Variants in PCLO observed in about 807,000 individuals in gnomAD.
PCLO encodes the protein piccolo presynaptic cytomatrix protein.
PCLO carries 82 observed loss-of-function variants against 427.5 expected under a neutral mutation model. That is an observed-to-expected ratio of 0.19 (90% CI 0.16 to 0.23). PCLO has a LOEUF of 0.23. Among genes scored for constraint, PCLO ranks in the 10% least tolerant of loss-of-function variants. PCLO has a pLI of 1.00. For synonymous variants in PCLO, 2,357 were observed against 2,155.4 expected (o/e 1.09, Z -2.59); for missense variants, 6,239 against 6,115.9 (o/e 1.02, Z -0.67).
chr7:83,061,413 T>C (rs1789540449), intron 3 of PCLO, among the ~76,000 whole-genome samples: 1 of 152,170 alleles, frequency 6.6e-6, no homozygotes, highest in African/African-American at 2.4e-5. Flanking sequence ...ATCTTTAAAG[T>C]CCACTAACTA....
intron 6 of PCLO, among the ~76,000 whole-genome samples, chr7:82,919,929 C>T (rs1055062113): frequency 6.6e-6 from 1 of 151,962 alleles, no homozygotes; most frequent in Admixed American, 6.6e-5. Flanking sequence ...ACTATAGAAC[C>T]ATTAGAACCC....
intron 22 of PCLO, among the ~76,000 whole-genome samples, chr7:82,782,146 G>A (rs2129468139): frequency 6.6e-6 from 1 of 152,292 alleles, no homozygotes; most frequent in East Asian, 1.9e-4. Context: ...TGGGGACTGA[G>A]CCCTTGACCT....
At chr7:83,072,725 C>T (rs1415880821) in intron 3 of PCLO, among the ~76,000 whole-genome samples, 1 of 151,978 alleles carries the variant, frequency 6.6e-6, no homozygotes, top group Admixed American at 6.6e-5. Context: ...CTCCTGAATG[C>T]CAAAGCTTCC....
At chr7:82,880,240 G>A (rs1350519544) in intron 9 of PCLO, among the ~76,000 whole-genome samples, 1 of 152,114 alleles carries the variant, frequency 6.6e-6, no homozygotes, top group East Asian at 1.9e-4. Context: ...TGAATGTACT[G>A]TACTGTAATC....
At chr7:83,154,020 C>G (rs961713599) in intron 2 of PCLO, among the ~76,000 whole-genome samples, 5 of 152,242 alleles carry the variant, frequency 3.3e-5, no homozygotes, top group African/African-American at 1.2e-4. Flanking sequence ...TATCCTCAAT[C>G]TGAGTAAACA....
chr7:83,116,061 T>C (rs1324970348), intron 3 of PCLO, among the ~76,000 whole-genome samples: 1 of 152,044 alleles, frequency 6.6e-6, no homozygotes, highest in Non-Finnish European at 1.5e-5. Context: ...ATTAAATGGA[T>C]GTCTAGTATT....
At position 82,845,431 on chromosome 7, in the gene PCLO, T is replaced by C; in HGVS notation, c.13886A>G (p.Gln4629Arg). The change falls in exon 13 of 25, where the codon CAG (glutamine) becomes CGG (arginine). Residue 4629 changes from glutamine (Q) to arginine (R), a missense_variant. This residue lies in a region of PCLO where 877 missense variants were observed against 925.5 expected (regional missense o/e 0.95). Transcript: ENST00000333891. Reference protein sequence around the residue: ...VDPKQLAAELQKVSLQQSPLV... With the variant: ...VDPKQLAAELRKVSLQQSPLV... ...CGGTGACTGCTGTAGTGAAACCTTCTGGAGTTCTGCTGCCAACTGCTTAGG... is the reference window on the plus strand; with the variant it reads ...CGGTGACTGCTGTAGTGAAACCTTCCGGAGTTCTGCTGCCAACTGCTTAGG... 3 of 1,613,262 alleles carry C rather than the reference T, an allele frequency of 1.9e-6. No individual in the cohort carries two copies. The highest frequency in any genetic ancestry group is 2.5e-6 in the Non-Finnish European group (3 of 1,179,548).
chr7:83,047,330 A>C (rs1789127865), intron 3 of PCLO, among the ~76,000 whole-genome samples: 1 of 152,042 alleles, frequency 6.6e-6, no homozygotes, highest in Admixed American at 6.6e-5. Flanking sequence ...ACATCAAAAA[A>C]GATGTATGAT....
chr7:82,870,079 T>TA (rs1178097100), intron 10 of PCLO, among the ~76,000 whole-genome samples: 1 of 151,746 alleles, frequency 6.6e-6, no homozygotes, highest in Non-Finnish European at 1.5e-5. Context: ...TTCACAGAAA[T>TA]ACAAAAAAAT....
chr7:82,938,589 G>A (rs1333844334), intron 6 of PCLO, among the ~76,000 whole-genome samples: 1 of 151,910 alleles, frequency 6.6e-6, no homozygotes, highest in East Asian at 1.9e-4. Context: ...GATGACCAGT[G>A]AGCATAAGGA....
chr7:82,821,478 T>C, intron 20 of PCLO: 2 of 985,404 alleles, frequency 2.0e-6, no homozygotes, highest in Non-Finnish European at 2.4e-6. Flanking sequence ...TCTTTGAAAA[T>C]GATGACTAGG....
At chr7:83,156,496 A>T in intron 1 of PCLO, 104 bp from the exon 2 acceptor site, 1 of 691,268 alleles carries the variant, frequency 1.4e-6, no homozygotes, top group Non-Finnish European at 2.3e-6. Flanking sequence ...CAAAATTATG[A>T]ATGTATAAAT....
chr7:82,875,048 C>A (rs150988069), intron 10 of PCLO, among the ~76,000 whole-genome samples: 1 of 152,202 alleles, frequency 6.6e-6, no homozygotes, highest in Non-Finnish European at 1.5e-5. Flanking sequence ...CTAATTTATG[C>A]AACTAAAATA....
intron 16 of PCLO, among the ~76,000 whole-genome samples, chr7:82,831,574 C>T (rs545397217): frequency 2.6e-5 from 4 of 152,018 alleles, no homozygotes; most frequent in East Asian, 1.9e-4. Context: ...GGAACAATTA[C>T]GCCTACTTAT....
intron 3 of PCLO, among the ~76,000 whole-genome samples, chr7:83,121,509 T>C (rs1791278688): frequency 2.6e-5 from 4 of 152,042 alleles, no homozygotes. Context: ...AAAATAACAG[T>C]AGTAAATCCT....
chr7:82,845,171 TA>T, intron 13 of PCLO, 99 bp downstream of exon 13: 2 of 840,490 alleles, frequency 2.4e-6, no homozygotes, highest in Non-Finnish European at 1.9e-6. Context: ...TGAGAAATCA[TA>T]AGAAAAATAC....
chr7:83,018,230 AC>A (rs1277733272), intron 3 of PCLO, among the ~76,000 whole-genome samples: 3 of 152,030 alleles, frequency 2.0e-5, no homozygotes, highest in African/African-American at 7.2e-5. Context: ...TTTTAATGCC[AC>A]AAAAAGCATT....
At chr7:83,137,890 C>T (rs1791768088) in intron 2 of PCLO, among the ~76,000 whole-genome samples, 1 of 152,174 alleles carries the variant, frequency 6.6e-6, no homozygotes, top group South Asian at 2.1e-4. Context: ...ACAATTGCTA[C>T]TTCTGCAAGT....
At chr7:82,997,825 T>C (rs1040108172) in intron 3 of PCLO, among the ~76,000 whole-genome samples, 2 of 152,058 alleles carry the variant, frequency 1.3e-5, no homozygotes, top group Admixed American at 1.3e-4. Flanking sequence ...TTCATGTATA[T>C]TTTTCTATTT....
Sources: allele counts gnomAD v4.1 joint callset (sites outside exome capture counted in the v4.1 genomes callset), GRCh38; gene constraint gnomAD v4.1.1; regional missense constraint gnomAD v4.1.1; transcripts MANE v1.5; gene names NCBI Gene and HGNC (gene_info 2026-07-23, HGNC 2026-07-21).